RAB10: variants seen among roughly 807,000 people sequenced by gnomAD.
The protein encoded by RAB10 is RAB10, member RAS oncogene family, also known as ras-related protein Rab-10.
In RAB10, 5 loss-of-function variants were observed where a neutral mutation model predicts 25.7. The ratio of observed to expected loss-of-function variants is 0.19; its 90% CI spans 0.10 to 0.41. The LOEUF is 0.41. Among genes scored for constraint, RAB10 ranks in the 10% least tolerant of loss-of-function variants. RAB10 has a pLI of 1.00. For synonymous variants in RAB10, 89 were observed against 86.4 expected, an observed-to-expected ratio of 1.03 and a Z score of -0.16; for missense variants, 103 against 245.8, an observed-to-expected ratio of 0.42 and a Z score of 3.89.
At chr2:26,083,754 A>G (rs2149274662) in intron 1 of RAB10, among the ~76,000 whole-genome samples, 1 of 152,222 alleles carries the variant, frequency 6.6e-6, no homozygotes, top group East Asian at 1.9e-4. Context: ...CCTGGCCTCA[A>G]GTGATCTGCC....
At chr2:26,049,161 G>A (rs1034089715) in intron 1 of RAB10, among the ~76,000 whole-genome samples, 1 of 149,032 alleles carries the variant, frequency 6.7e-6, no homozygotes, top group Non-Finnish European at 1.5e-5. Context: ...TTTTGTATAT[G>A]GTGGGGGGTT....
At chr2:26,131,535 T>A (rs528384402) in intron 5 of RAB10, among the ~76,000 whole-genome samples, 2 of 152,222 alleles carry the variant, frequency 1.3e-5, no homozygotes, top group Non-Finnish European at 2.9e-5. Context: ...TTAAAACATC[T>A]TTTAATTTAA....
At chr2:26,119,734 G>A (rs752973566) in intron 3 of RAB10, among the ~76,000 whole-genome samples, 16 of 152,114 alleles carry the variant, frequency 1.1e-4, no homozygotes, top group Non-Finnish European at 1.8e-4. Flanking sequence ...GCCCTGGCTG[G>A]CCTCAAATTC....
At chr2:26,128,664 A>G (rs1667951328) in intron 5 of RAB10, among the ~76,000 whole-genome samples, 1 of 152,198 alleles carries the variant, frequency 6.6e-6, no homozygotes, top group Non-Finnish European at 1.5e-5. Context: ...CTATTCTGCC[A>G]TATTAGTCAC....
At chr2:26,107,386 A>G (rs543302677) in intron 2 of RAB10, among the ~76,000 whole-genome samples, 2 of 152,326 alleles carry the variant, frequency 1.3e-5, no homozygotes, top group Admixed American at 1.3e-4. Flanking sequence ...ATACCCTGTC[A>G]AGGGAATGAA....
intron 3 of RAB10, among the ~76,000 whole-genome samples, chr2:26,115,932 T>C (rs1429798289): frequency 6.6e-6 from 1 of 150,394 alleles, no homozygotes; most frequent in African/African-American, 2.4e-5. Flanking sequence ...CCATCTTGGC[T>C]CACTGCAGTC....
intron 1 of RAB10, among the ~76,000 whole-genome samples, chr2:26,068,948 AG>A (rs1666569178): frequency 6.6e-6 from 1 of 152,230 alleles, no homozygotes; most frequent in African/African-American, 2.4e-5. Context: ...CACATAGCTC[AG>A]GAACTACTGA....
intron 1 of RAB10, among the ~76,000 whole-genome samples, chr2:26,058,072 A>G (rs2149266174): frequency 6.6e-6 from 1 of 152,354 alleles, no homozygotes; most frequent in East Asian, 1.9e-4. Context: ...TTTGTTAAGA[A>G]GACTAAAAAT....
At chr2:26,061,962 C>A (rs1471773151) in intron 1 of RAB10, among the ~76,000 whole-genome samples, 2 of 152,164 alleles carry the variant, frequency 1.3e-5, no homozygotes, top group Admixed American at 6.5e-5. Context: ...TTTAAAGGAA[C>A]CTGCTGAAAC....
chr2:26,045,177 A>G (rs977492015), intron 1 of RAB10, among the ~76,000 whole-genome samples: 1 of 151,784 alleles, frequency 6.6e-6, no homozygotes, highest in Non-Finnish European at 1.5e-5. Context: ...AAATACTGGT[A>G]TTCTCGTTTT....
chr2:26,037,390 G>A (rs563640948), intron 1 of RAB10, among the ~76,000 whole-genome samples: 4 of 152,192 alleles, frequency 2.6e-5, no homozygotes, highest in African/African-American at 9.6e-5. Context: ...TGTAATCCCA[G>A]CTCTTTGGGA....
At chr2:26,055,284 A>C (rs749974393) in intron 1 of RAB10, among the ~76,000 whole-genome samples, 2 of 152,172 alleles carry the variant, frequency 1.3e-5, no homozygotes, top group African/African-American at 2.4e-5. Context: ...TGCTCTTCTA[A>C]GACATTTTAC....
rs528162951 is a variant in RAB10 at position 26,070,658 on chromosome 2, C to T, written c.128-28004C>T. ...TATCAGAGCCAAATCTTAAACATAG[C>T]GATGGAAAGCTTTGTAATTATAGAA... On this transcript the variant is annotated intron_variant, in intron 1 of 5. Transcript: ENST00000264710. 7.9e-5 allele frequency among the ~76,000 whole-genome samples: 12 copies of T among 152,200 alleles called. 1 individual carries two copies. Among genetic ancestry groups the T allele is most frequent in the African/African-American group, 2.4e-4 (10 of 41,540 alleles).
upstream of RAB10, among the ~76,000 whole-genome samples, chr2:26,033,316 C>T (rs1014406648): frequency 2.0e-5 from 3 of 152,174 alleles, no homozygotes; most frequent in African/African-American, 7.2e-5. Context: ...GAAGCAGGTT[C>T]TCTGAGCACC....
intron 1 of RAB10, among the ~76,000 whole-genome samples, chr2:26,089,860 A>AT (rs1297744588): frequency 3.3e-5 from 5 of 152,162 alleles, no homozygotes; most frequent in African/African-American, 1.2e-4. Flanking sequence ...GTGTACTATA[A>AT]TTGCATTTTC....
chr2:26,096,486 G>A (rs575064933), intron 1 of RAB10, among the ~76,000 whole-genome samples: 8 of 152,084 alleles, frequency 5.3e-5, no homozygotes, highest in South Asian at 4.1e-4. Context: ...TTTAGTTTGC[G>A]GCTTATGCCT....
chr2:26,043,105 G>A (rs1304176791), intron 1 of RAB10, among the ~76,000 whole-genome samples: 3 of 152,090 alleles, frequency 2.0e-5, no homozygotes, highest in Non-Finnish European at 4.4e-5. Context: ...ATCTCACTTC[G>A]AGTTATATCC....
intron 1 of RAB10, among the ~76,000 whole-genome samples, chr2:26,088,682 C>T (rs1009178253): frequency 2.0e-5 from 3 of 152,062 alleles, no homozygotes; most frequent in Non-Finnish European, 4.4e-5. Flanking sequence ...GGTGCGATCT[C>T]GTCTCACTGC....
At chr2:26,039,574 C>T (rs1665840088) in intron 1 of RAB10, among the ~76,000 whole-genome samples, 2 of 152,008 alleles carry the variant, frequency 1.3e-5, no homozygotes, top group South Asian at 2.1e-4. Flanking sequence ...GTCAAGAACT[C>T]CTGACCTCAG....
Sources: gnomAD v4.1 joint callset for allele counts (sites outside exome capture counted in the v4.1 genomes callset) on GRCh38, gnomAD v4.1.1 for gene constraint, MANE v1.5 for transcripts, NCBI Gene and HGNC (gene_info 2026-07-23, HGNC 2026-07-21) for gene names.